TNFRSF1B: variants seen among roughly 807,000 people sequenced by gnomAD.
The protein encoded by TNFRSF1B is TNF receptor superfamily member 1B.
Under a neutral mutation model 44.6 loss-of-function variants are expected in TNFRSF1B, and 19 were observed. The observed-to-expected ratio is 0.43, with a 90% CI of 0.30 to 0.62. The LOEUF is 0.62. TNFRSF1B is among the 20% of genes least tolerant of loss of function. The pLI, the probability that TNFRSF1B is intolerant of heterozygous loss-of-function variation, is 0.16. For missense variants in TNFRSF1B, 541 were observed against 619.9 expected, an observed-to-expected ratio of 0.87 and a Z score of 1.35; for synonymous variants, 252 against 261.1, an observed-to-expected ratio of 0.97 and a Z score of 0.34.
chr1:12,181,617 C>T (rs1423978005), intron 1 of TNFRSF1B, among the ~76,000 whole-genome samples: 2 of 152,194 alleles, frequency 1.3e-5, no homozygotes, highest in Non-Finnish European at 2.9e-5. Context: ...AAGTCAGCGC[C>T]CCTTCTACAA....
Position 12,177,623 on chromosome 1 carries a change from C to T in TNFRSF1B, c.78+10454C>T, listed in dbSNP as rs1638690746. Among the ~76,000 whole-genome samples, 2 of 152,182 alleles carry T rather than the reference C, an allele frequency of 1.3e-5. No homozygotes were observed. Among genetic ancestry groups the T allele is most frequent in the South Asian group, 2.1e-4 (1 of 4,812 alleles). ...TGCTCTCTGTCACTTCCCCTAGGGG[C>T]GGGCAGATGCTGGCAGGGCACAGAG... is the stretch of plus-strand genomic sequence containing the variant. On this transcript the variant is annotated intron_variant, in intron 1 of 9. Transcript: ENST00000376259. This position sits in a 1 kb window ranked among gnomAD's most constrained non-coding sequence, Gnocchi z 4.3.
intron 1 of TNFRSF1B, 46 bp from the exon 2 acceptor site, chr1:12,188,749 AC>A (rs768429181): frequency 6.3e-7 from 1 of 1,578,166 alleles, no homozygotes; most frequent in Non-Finnish European, 8.7e-7. Flanking sequence ...GCATGGCAGA[AC>A]CCAGGGGCGG....
intron 8 of TNFRSF1B, among the ~76,000 whole-genome samples, chr1:12,195,665 G>A (rs1639250505): frequency 6.6e-6 from 1 of 152,178 alleles, no homozygotes; most frequent in African/African-American, 2.4e-5. Flanking sequence ...TGGGAAAGAG[G>A]GTGTTTTGCT....
intron 1 of TNFRSF1B, among the ~76,000 whole-genome samples, chr1:12,185,167 C>T (rs1274253964): frequency 6.6e-6 from 1 of 152,192 alleles, no homozygotes; most frequent in Non-Finnish European, 1.5e-5. Context: ...GTTAGGGGCT[C>T]CCACAGCCTT....
Position 12,167,039 on chromosome 1 carries a change from TGCGAGGGCGCGAGGGC to T in TNFRSF1B, c.-44_-29del. 2 of 1,208,870 alleles carry T rather than the reference TGCGAGGGCGCGAGGGC, an allele frequency of 1.7e-6. No individual in the cohort carries two copies. The highest frequency in any genetic ancestry group is 1.6e-5 in the African/African-American group (1 of 62,720). 74.9% of individuals were successfully genotyped at this position (1,208,870 alleles called of 1,614,324 possible). A position where few individuals can be genotyped will look rare whatever the true frequency, so the allele number is the denominator to read the frequency against. On this transcript the variant is annotated 5_prime_UTR_variant, in exon 1 of 10. Coordinates refer to ENST00000376259, the MANE Select transcript of TNFRSF1B (RefSeq NM_001066.3). ...GGAGCCTGGAGAGAAGGCGCTGGGCTGCGAGGGCGCGAGGGCGCGAGGGCAGGGGGCAACCGGACCC... is the reference window on the plus strand; with the variant it reads ...GGAGCCTGGAGAGAAGGCGCTGGGCTGCGAGGGCAGGGGGCAACCGGACCC...
At position 12,167,052 on chromosome 1, in the gene TNFRSF1B, G is replaced by A; in HGVS notation, c.-40G>A. 8.0e-7 allele frequency: 1 copy of A among 1,256,536 alleles called. No homozygotes were observed. 77.8% of individuals were successfully genotyped at this position (1,256,536 alleles called of 1,614,324 possible). A position where few individuals can be genotyped will look rare whatever the true frequency, so the allele number is the denominator to read the frequency against. ...AAGGCGCTGGGCTGCGAGGGCGCGA[G>A]GGCGCGAGGGCAGGGGGCAACCGGA... is the stretch of plus-strand genomic sequence containing the variant. On this transcript the variant is annotated 5_prime_UTR_variant, in exon 1 of 10. Coordinates refer to ENST00000376259, the MANE Select transcript of TNFRSF1B (RefSeq NM_001066.3).
rs910188492 is a variant in TNFRSF1B at position 12,181,457 on chromosome 1, G to A, written c.79-7339G>A. On this transcript the variant is annotated intron_variant, in intron 1 of 9. Transcript: ENST00000376259. ...AGAACCCCTGGAGGAGACAGGGCAAGGAGTACCACTCCCATTTTACAGGTG... is the reference window on the plus strand; with the variant it reads ...AGAACCCCTGGAGGAGACAGGGCAAAGAGTACCACTCCCATTTTACAGGTG... Among the ~76,000 whole-genome samples the A allele has an allele frequency of 3.9e-5, 6 of 152,126 alleles. No individual in the cohort carries two copies. The South Asian group carries it at 1.2e-3, about 31-fold the overall frequency.
intron 8 of TNFRSF1B, among the ~76,000 whole-genome samples, chr1:12,196,549 A>G (rs989755328): frequency 1.8e-4 from 28 of 152,144 alleles, no homozygotes; most frequent in African/African-American, 6.3e-4. Flanking sequence ...CGAAGCTTAC[A>G]CCAGGTGTTT....
At chr1:12,201,906 G>A in intron 8 of TNFRSF1B, 61 bp from the exon 9 acceptor site, 3 of 1,518,398 alleles carry the variant, frequency 2.0e-6, no homozygotes, top group East Asian at 2.5e-5. Context: ...GGAAGGAAGA[G>A]GGGAAGAAAG....
Position 12,188,882 on chromosome 1 carries a change from C to A in TNFRSF1B, c.165C>A (p.Ser55Arg), listed in dbSNP as rs1372059294. ...ACCAGACAGCTCAGATGTGCTGCAG[C>A]AAATGCTCGCCGGGTGAGGGCAGCC... ...YYDQTAQMCC[S>R]KCSPGQHAKV... is the part of the protein sequence containing the mutation. Residue 55 changes from serine to arginine, a missense_variant, in exon 2 of 10, where the codon AGC (serine) becomes AGA (arginine). Coordinates refer to ENST00000376259, the MANE Select transcript of TNFRSF1B (RefSeq NM_001066.3). 4.0e-5 allele frequency: 64 copies of A among 1,613,484 alleles called. No homozygotes were observed. Among genetic ancestry groups the A allele is most frequent in the Non-Finnish European group, 5.1e-5 (60 of 1,179,792 alleles).
At chr1:12,198,847 C>G (rs748730863) in intron 8 of TNFRSF1B, among the ~76,000 whole-genome samples, 2 of 152,012 alleles carry the variant, frequency 1.3e-5, no homozygotes, top group Admixed American at 6.6e-5. Context: ...CCCACCAGCT[C>G]GCCCAGCTAA....
intron 9 of TNFRSF1B, among the ~76,000 whole-genome samples, chr1:12,205,788 A>ATTTT (rs3078840): frequency 6.8e-6 from 1 of 147,584 alleles, no homozygotes; most frequent in African/African-American, 2.5e-5. Flanking sequence ...TACCCGGCTA[A>ATTTT]TTTTTTTTTT....
chr1:12,198,708 T>TTTTTTTTTTTTTA (rs1557638867), intron 8 of TNFRSF1B, among the ~76,000 whole-genome samples: 2 of 146,832 alleles, frequency 1.4e-5, no homozygotes, highest in Non-Finnish European at 1.5e-5. Flanking sequence ...TTTTTTTTTT[T>TTTTTTTTTTTTTA]GAGAAAGAGT....
chr1:12,178,426 T>C lies in TNFRSF1B; in HGVS notation c.79-10370T>C, dbSNP rs991838386. 1.3e-5 allele frequency among the ~76,000 whole-genome samples: 2 copies of C among 152,016 alleles called. No homozygotes were observed. Among genetic ancestry groups the C allele is most frequent in the Non-Finnish European group, 2.9e-5 (2 of 68,010 alleles). On this transcript the variant is annotated intron_variant, in intron 1 of 9. Coordinates refer to ENST00000376259, the MANE Select transcript of TNFRSF1B (RefSeq NM_001066.3). The surrounding 1 kb of genome is among the most constrained non-coding windows in gnomAD (Gnocchi z 4.3). The stretch of plus-strand genomic sequence containing the variant: ...GTTTCTGTCGCCATTTTATAGATGA[T>C]AAAGTGGAGGTGGGGGAATGGCAGA...
rs1638780105 is a variant in TNFRSF1B, at chr1:12,180,688, G to A, written c.79-8108G>A. Among the ~76,000 whole-genome samples, 1 of 152,182 alleles carries A rather than the reference G, an allele frequency of 6.6e-6. No homozygotes were observed. Among genetic ancestry groups the A allele is most frequent in the African/African-American group, 2.4e-5 (1 of 41,448 alleles). On this transcript the variant is annotated intron_variant, in intron 1 of 9. Coordinates refer to ENST00000376259, the MANE Select transcript of TNFRSF1B (RefSeq NM_001066.3). This position sits in a 1 kb window ranked among gnomAD's most constrained non-coding sequence, Gnocchi z 4.3. ...AGTCCTCCAGGGTGAGGGGGCGTGG[G>A]GTCAGAAGAGAGGGGACGGTGTGCA...
intron 1 of TNFRSF1B, among the ~76,000 whole-genome samples, chr1:12,183,712 T>TAC (rs1557629040): frequency 0.029 from 1,644 of 56,868 alleles, 46 homozygotes; most frequent in East Asian, 0.091. Context: ...ATCTATCTAT[T>TAC]CTATCTACCT....
At position 12,180,018 on chromosome 1, in the gene TNFRSF1B, C is replaced by T. The variant is rs79673019; in HGVS notation, c.79-8778C>T. Among the ~76,000 whole-genome samples the T allele has an allele frequency of 5.9e-5, 9 of 152,028 alleles. No individual in the cohort carries two copies. The highest frequency in any genetic ancestry group is 3.9e-4 in the East Asian group (2 of 5,140). ...CTTCTCCCTGTGGCCACCTCCCCAC[C>T]GCATCATCTTCCGTTCTCAGCGGGT... On this transcript the variant is annotated intron_variant, in intron 1 of 9. Transcript: ENST00000376259. This position sits in a 1 kb window ranked among gnomAD's most constrained non-coding sequence, Gnocchi z 4.3.
rs1045653947 is a variant in TNFRSF1B, at chr1:12,207,910, AAAAG to A, written c.*894_*897del. 2.3e-5 allele frequency: 3 copies of A among 133,020 alleles called. No individual in the cohort carries two copies. Among genetic ancestry groups the A allele is most frequent in the African/African-American group, 8.7e-5 (3 of 34,326 alleles). 8.2% of individuals were successfully genotyped at this position (133,020 alleles called of 1,614,324 possible). A position where few individuals can be genotyped will look rare whatever the true frequency, so the allele number is the denominator to read the frequency against. ...GGGCGACAGAGCGAGAGTCTGTCTCAAAAGAAAAAAAAAAGCACCGCCTCCAAAT... is the reference window on the plus strand; with the variant it reads ...GGGCGACAGAGCGAGAGTCTGTCTCAAAAAAAAAAAGCACCGCCTCCAAAT... On this transcript the variant is annotated 3_prime_UTR_variant, in exon 10 of 10. Coordinates refer to ENST00000376259, the MANE Select transcript of TNFRSF1B (RefSeq NM_001066.3).
chr1:12,200,156 C>T (rs1639354882), intron 8 of TNFRSF1B, among the ~76,000 whole-genome samples: 1 of 152,114 alleles, frequency 6.6e-6, no homozygotes, highest in Non-Finnish European at 1.5e-5. Context: ...CCTCAGTTTC[C>T]ACAAAGCAAG....
Sources: allele counts gnomAD v4.1 joint callset (sites outside exome capture counted in the v4.1 genomes callset), GRCh38; gene constraint gnomAD v4.1.1; non-coding constraint Gnocchi (gnomAD v3.1); transcripts MANE v1.5; gene names NCBI Gene and HGNC (gene_info 2026-07-23, HGNC 2026-07-21).